Variants in CASK observed in about 807,000 individuals in gnomAD.
CASK encodes peripheral plasma membrane protein CASK.
A neutral mutation model predicts 82.9 loss-of-function variants in CASK; 4 were observed. The observed-to-expected ratio is 0.05, with a 90% CI of 0.02 to 0.11. The LOEUF (loss-of-function observed/expected upper bound fraction) is 0.11. Ranked by LOEUF, CASK falls within the 10% of genes least tolerant of loss-of-function variation. CASK has a pLI of 1.00. For synonymous variants in CASK, 259 were observed against 253.5 expected (o/e 1.02, Z -0.20); for missense variants, 358 against 720.9 (o/e 0.50, Z 5.76).
chrX:41,821,756 A>G (rs994603987), intron 2 of CASK, among the ~76,000 whole-genome samples: 1 of 112,524 alleles, frequency 8.9e-6, no homozygotes, highest in Non-Finnish European at 1.9e-5. Flanking sequence ...CAATACCATT[A>G]TTCTGAGCAA....
In CASK at chrX:41,641,724, TTTTA is replaced by T. The variant is rs750512370; in HGVS notation, c.832-5067_832-5064del. On this transcript the variant is annotated intron_variant, in intron 8 of 26. Transcript: ENST00000378163. ...CTTTTTTTTAATTAAAAAACTTTAC[TTTTA>T]TTTATTTTTTTCATGTTATAGTTTT... 6.3e-3 allele frequency among the ~76,000 whole-genome samples: 703 copies of T among 111,589 alleles called. 8 individuals carry two copies. The highest frequency in any genetic ancestry group is 0.022 in the African/African-American group (672 of 30,759).
intron 24 of CASK, among the ~76,000 whole-genome samples, chrX:41,534,338 C>T (rs1201952770): frequency 9.2e-6 from 1 of 108,646 alleles, no homozygotes. Context: ...ATGTGTATGA[C>T]ATATTGTTAG....
intron 1 of CASK, among the ~76,000 whole-genome samples, chrX:41,876,132 CAG>C (rs772307653): frequency 1.8e-5 from 2 of 111,160 alleles, no homozygotes; most frequent in African/African-American, 6.5e-5. Flanking sequence ...TTATTAGTAA[CAG>C]ATACTTTATT....
intron 12 of CASK, among the ~76,000 whole-genome samples, chrX:41,594,884 G>C (rs1476681108): frequency 1.8e-5 from 2 of 111,802 alleles, no homozygotes; most frequent in Non-Finnish European, 3.8e-5. Context: ...CACACCAAGG[G>C]CATCAACAGC....
At chrX:41,554,982 A>G (rs1235052943) in intron 20 of CASK, among the ~76,000 whole-genome samples, 2 of 112,523 alleles carry the variant, frequency 1.8e-5, no homozygotes, top group African/African-American at 6.4e-5. Flanking sequence ...TCAGCAATCC[A>G]GCCTATAAAA....
chrX:41,662,294 T>A (rs1602427106), intron 7 of CASK, among the ~76,000 whole-genome samples: 1 of 111,631 alleles, frequency 9.0e-6, no homozygotes, highest in South Asian at 3.8e-4. Flanking sequence ...TTTTGCCCTT[T>A]ACAAAGAAGT....
chrX:41,568,478 C>A (rs2065357204), intron 16 of CASK, among the ~76,000 whole-genome samples: 1 of 110,367 alleles, frequency 9.1e-6, no homozygotes, highest in South Asian at 3.9e-4. Flanking sequence ...GAGAATAAGG[C>A]ACTAAAATGC....
intron 8 of CASK, among the ~76,000 whole-genome samples, chrX:41,658,599 G>A (rs2066980022): frequency 8.9e-6 from 1 of 111,849 alleles, no homozygotes; most frequent in African/African-American, 3.3e-5. Flanking sequence ...GGAGGAGCAA[G>A]GATGGAGGCC....
chrX:41,560,019 AGAGT>A (rs749123438), intron 17 of CASK, among the ~76,000 whole-genome samples, 172 bp from the exon 18 acceptor site: 1 of 112,414 alleles, frequency 8.9e-6, no homozygotes, highest in African/African-American at 3.2e-5. Flanking sequence ...AGTTAACAGT[AGAGT>A]AAGTTCCTGG....
chrX:41,618,995 T>A (rs980845747), intron 11 of CASK, among the ~76,000 whole-genome samples: 1 of 106,764 alleles, frequency 9.4e-6, no homozygotes, highest in Non-Finnish European at 1.9e-5. Flanking sequence ...CCTGGCTAAT[T>A]TTTTTTTTGT....
chrX:41,647,504 T>C (rs1456559595), intron 8 of CASK, among the ~76,000 whole-genome samples: 1 of 111,573 alleles, frequency 9.0e-6, no homozygotes, highest in Non-Finnish European at 1.9e-5. Flanking sequence ...TAGAATTAAG[T>C]TTCTCTGTTT....
At chrX:41,753,314 A>G (rs2068829202) in intron 3 of CASK, among the ~76,000 whole-genome samples, 1 of 111,765 alleles carries the variant, frequency 8.9e-6, no homozygotes, top group Non-Finnish European at 1.9e-5. Flanking sequence ...TGTTAAAAAA[A>G]AAAAGCAGAA....
chrX:41,809,376 C>T (rs896823679), intron 2 of CASK, among the ~76,000 whole-genome samples: 1 of 112,029 alleles, frequency 8.9e-6, no homozygotes, highest in African/African-American at 3.2e-5. Flanking sequence ...GGCTGGGTAC[C>T]CCTCTGAGAC....
At chrX:41,908,420 A>G (rs1326999006) in intron 1 of CASK, among the ~76,000 whole-genome samples, 1 of 111,839 alleles carries the variant, frequency 8.9e-6, no homozygotes, top group Admixed American at 9.5e-5. Context: ...ATGAATCCCT[A>G]AACTTGGCAG....
At chrX:41,613,155 G>A (rs1469942552) in intron 11 of CASK, among the ~76,000 whole-genome samples, 1 of 112,492 alleles carries the variant, frequency 8.9e-6, no homozygotes, top group Admixed American at 9.3e-5. Context: ...TTGAGAACAG[G>A]CCATGATGAC....
intron 1 of CASK, among the ~76,000 whole-genome samples, chrX:41,859,122 C>A (rs747644770): frequency 4.5e-5 from 5 of 111,399 alleles, no homozygotes; most frequent in Admixed American, 2.9e-4. Context: ...TTAATAAACG[C>A]AATGAAATTT....
intron 2 of CASK, among the ~76,000 whole-genome samples, chrX:41,847,336 T>C (rs1005511010): frequency 8.9e-6 from 1 of 111,947 alleles, no homozygotes; most frequent in African/African-American, 3.2e-5. Flanking sequence ...ATAATTATAA[T>C]GAACCTATCT....
chrX:41,847,824 T>A (rs1413329969), intron 2 of CASK, among the ~76,000 whole-genome samples: 1 of 111,574 alleles, frequency 9.0e-6, no homozygotes, highest in African/African-American at 3.3e-5. Context: ...TGCTCAAGGG[T>A]TTTGTGGATG....
intron 5 of CASK, chrX:41,695,461 G>A (rs779527135): frequency 6.6e-4 from 284 of 427,123 alleles, no homozygotes; most frequent in South Asian, 1.4e-3. Flanking sequence ...GACCATAGGC[G>A]TGTGCTGGGA....
Sources: gnomAD v4.1 joint callset for allele counts (sites outside exome capture counted in the v4.1 genomes callset) on GRCh38, gnomAD v4.1.1 for gene constraint, MANE v1.5 for transcripts, NCBI Gene and HGNC (gene_info 2026-07-23, HGNC 2026-07-21) for gene names.